The following AOPEP variants were observed in gnomAD, a reference collection of about 807,000 sequenced individuals.
The protein encoded by AOPEP is aminopeptidase O.
Under a neutral mutation model 98.1 loss-of-function variants are expected in AOPEP, and 77 were observed. The ratio of observed to expected loss-of-function variants is 0.78; its 90% CI spans 0.65 to 0.95. The LOEUF is 0.95. AOPEP is among the 40% of genes least tolerant of loss of function. The pLI, the probability that AOPEP is intolerant of heterozygous loss-of-function variation, is 0.00. For missense variants in AOPEP, 1,024 were observed against 1,024.7 expected (o/e 1.00, Z 0.01); for synonymous variants, 346 against 365.3 (o/e 0.95, Z 0.60).
At chr9:95,073,213 C>T (rs2134103911) in intron 14 of AOPEP, among the ~76,000 whole-genome samples, 1 of 152,280 alleles carries the variant, frequency 6.6e-6, no homozygotes, top group East Asian at 1.9e-4. Flanking sequence ...CTACCTCCTA[C>T]CTCATGCCAG....
At chr9:95,149,544 T>C in the AOPEP span, among the ~76,000 whole-genome samples, 1 of 152,020 alleles carries the variant, frequency 6.6e-6, no homozygotes, top group South Asian at 2.1e-4. Context: ...AGTGGCACAA[T>C]CTCGGCTCAC....
At chr9:94,993,577 CT>C in intron 11 of AOPEP, among the ~76,000 whole-genome samples, 1 of 152,092 alleles carries the variant, frequency 6.6e-6, no homozygotes, top group East Asian at 1.9e-4. Context: ...AGATGCTTTC[CT>C]AAAATTATAT....
intron 3 of AOPEP, among the ~76,000 whole-genome samples, chr9:94,778,011 A>G (rs1427754896): frequency 1.3e-5 from 2 of 152,238 alleles, no homozygotes; most frequent in Non-Finnish European, 1.5e-5. Flanking sequence ...GATGCTTTTC[A>G]AAAGAAGATA....
At chr9:94,946,052 CTG>C (rs922016324) in intron 7 of AOPEP, among the ~76,000 whole-genome samples, 9 of 152,082 alleles carry the variant, frequency 5.9e-5, no homozygotes, top group African/African-American at 1.9e-4. Flanking sequence ...AAACAGAACA[CTG>C]TGAAAAGTAC....
intron 5 of AOPEP, among the ~76,000 whole-genome samples, chr9:94,826,735 A>G (rs1469532361): frequency 6.6e-6 from 1 of 151,922 alleles, no homozygotes. Context: ...TAATGTGGGG[A>G]AGGAGAAGAG....
chr9:94,904,293 T>G (rs1207312246), intron 5 of AOPEP: 3 of 152,230 alleles, frequency 2.0e-5, no homozygotes, highest in Admixed American at 1.3e-4. Context: ...GGTTTTCATT[T>G]ATATGAAACT....
At chr9:94,779,544 G>C (rs1842844864) in intron 3 of AOPEP, among the ~76,000 whole-genome samples, 1 of 152,054 alleles carries the variant, frequency 6.6e-6, no homozygotes, top group Admixed American at 6.6e-5. Flanking sequence ...TCTAAGACTA[G>C]ATATGAACTC....
chr9:94,805,107 G>T (rs959770998), intron 5 of AOPEP, among the ~76,000 whole-genome samples: 8 of 152,162 alleles, frequency 5.3e-5, no homozygotes, highest in Admixed American at 3.3e-4. Context: ...GAGTCACTAA[G>T]AAATGGCAAG....
At chr9:94,947,917 A>G (rs538794365) in intron 7 of AOPEP, among the ~76,000 whole-genome samples, 2 of 152,220 alleles carry the variant, frequency 1.3e-5, no homozygotes, top group East Asian at 1.9e-4. Flanking sequence ...TTCCCATTAC[A>G]TTTGCATTCC....
intron 13 of AOPEP, among the ~76,000 whole-genome samples, chr9:95,025,897 G>C (rs984251089): frequency 6.6e-6 from 1 of 152,108 alleles, no homozygotes; most frequent in African/African-American, 2.4e-5. Flanking sequence ...TGCCTCCGCC[G>C]GCAGCAAGCA....
downstream of AOPEP, among the ~76,000 whole-genome samples, chr9:95,089,782 G>A (rs1393500712): frequency 2.0e-5 from 3 of 152,208 alleles, no homozygotes; most frequent in African/African-American, 7.2e-5. Context: ...AGCTCCCCGC[G>A]GCCGACCCAT....
intron 11 of AOPEP, chr9:95,004,942 G>T: frequency 6.9e-6 from 1 of 144,656 alleles, no homozygotes; most frequent in South Asian, 2.2e-4. Flanking sequence ...CCGCCCGCCC[G>T]CCCGCGCCGC....
At chr9:95,128,486 T>C in the AOPEP span, among the ~76,000 whole-genome samples, 1 of 152,240 alleles carries the variant, frequency 6.6e-6, no homozygotes, top group East Asian at 1.9e-4. Context: ...TTCTATAGGT[T>C]TGATGCTAGT....
chr9:95,100,597 C>A, the AOPEP span: 1 of 230,790 alleles, frequency 4.3e-6, no homozygotes, highest in Non-Finnish European at 8.6e-6. Flanking sequence ...GCACCCTGTA[C>A]TGACATGAAA....
At chr9:95,111,876 G>A in the AOPEP span, among the ~76,000 whole-genome samples, 1 of 152,096 alleles carries the variant, frequency 6.6e-6, no homozygotes, top group East Asian at 1.9e-4. Flanking sequence ...TTTGGACATC[G>A]GAGTCTTTAA....
chr9:94,986,979 G>C (rs1257931543), intron 11 of AOPEP, among the ~76,000 whole-genome samples: 1 of 150,954 alleles, frequency 6.6e-6, no homozygotes, highest in Non-Finnish European at 1.5e-5. Flanking sequence ...AGGCTTCTAC[G>C]GTAGAACTTT....
intron 3 of AOPEP, among the ~76,000 whole-genome samples, chr9:94,784,893 C>T (rs538467413): frequency 8.2e-5 from 12 of 146,132 alleles, no homozygotes; most frequent in African/African-American, 2.8e-4. Context: ...CTGGGATTAC[C>T]GGCGTGAGTC....
At chr9:94,873,133 GA>G (rs950692685) in intron 5 of AOPEP, among the ~76,000 whole-genome samples, 7 of 152,158 alleles carry the variant, frequency 4.6e-5, no homozygotes, top group African/African-American at 1.7e-4. Context: ...AAACAGGGAG[GA>G]AAAAACTGAA....
chr9:95,144,149 C>T, the AOPEP span, among the ~76,000 whole-genome samples: 6 of 152,246 alleles, frequency 3.9e-5, no homozygotes, highest in East Asian at 3.9e-4. Context: ...GGGCTGGGCG[C>T]GGCTGGTAAT....
Sources: allele counts gnomAD v4.1 joint callset (sites outside exome capture counted in the v4.1 genomes callset), GRCh38; gene constraint gnomAD v4.1.1; transcripts MANE v1.5; gene names NCBI Gene and HGNC (gene_info 2026-07-23, HGNC 2026-07-21).